The following SLC16A10 variants were observed in gnomAD, a reference collection of about 807,000 sequenced individuals.
SLC16A10 encodes the protein monocarboxylate transporter 10.
Under a neutral mutation model 40.0 loss-of-function variants are expected in SLC16A10, and 27 were observed. The ratio of observed to expected loss-of-function variants is 0.67; its 90% CI spans 0.50 to 0.93. The LOEUF (loss-of-function observed/expected upper bound fraction) is 0.93. SLC16A10 is among the 40% of genes least tolerant of loss of function. The pLI, the probability that SLC16A10 is intolerant of heterozygous loss-of-function variation, is 0.00. For missense variants in SLC16A10, 529 were observed against 658.2 expected (o/e 0.80, Z 2.15); for synonymous variants, 213 against 249.8 (o/e 0.85, Z 1.39).
At chr6:111,089,575 A>G (rs1385183920) in intron 1 of SLC16A10, among the ~76,000 whole-genome samples, 1 of 152,216 alleles carries the variant, frequency 6.6e-6, no homozygotes, top group East Asian at 1.9e-4. Flanking sequence ...ATGCGGGTCA[A>G]TGGGCTAGGT....
At position 111,172,942 on chromosome 6, in the gene SLC16A10, A is replaced by C. The variant is rs956974854; in HGVS notation, c.488+103A>C. On this transcript the variant is annotated intron_variant, in intron 2 of 5. Transcript: ENST00000368851. ...TTTACAAGCAAAGATCCTCCTTTTC[A>C]TTTTTTAAAACTTTAAGCAATATGA... is the stretch of plus-strand genomic sequence containing the variant. 5.6e-6 allele frequency: 8 copies of C among 1,422,424 alleles called. No individual in the cohort carries two copies. The African/African-American group carries it at 7.2e-5, about 13-fold the overall frequency. The allele number at this position is 1,422,424 out of a possible 1,614,324, so 88.1% of individuals were successfully genotyped here.
At chr6:111,145,527 G>C (rs1583326827) in intron 1 of SLC16A10, among the ~76,000 whole-genome samples, 3 of 152,246 alleles carry the variant, frequency 2.0e-5, no homozygotes, top group Admixed American at 2.0e-4. Context: ...CAACTGCATA[G>C]CCACAGGAAA....
chr6:111,169,227 A>G lies in SLC16A10; in HGVS notation c.344-3468A>G, dbSNP rs112963031. On this transcript the variant is annotated intron_variant, in intron 1 of 5. Coordinates refer to ENST00000368851, the MANE Select transcript of SLC16A10 (RefSeq NM_018593.5). The stretch of plus-strand genomic sequence containing the variant: ...TTAGAGGTGGGCCTAGCGGAGGAGA[A>G]GGGTAGCCTGGAGTTTGACTCCTGT... Among the ~76,000 whole-genome samples, 389 of 152,328 alleles carry G rather than the reference A, an allele frequency of 2.6e-3. 2 individuals are homozygous for G. The highest frequency in any genetic ancestry group is 8.9e-3 in the African/African-American group (368 of 41,576).
chr6:111,196,154 T>A (rs1318988861), intron 3 of SLC16A10, among the ~76,000 whole-genome samples: 1 of 152,048 alleles, frequency 6.6e-6, no homozygotes, highest in East Asian at 1.9e-4. Context: ...CTGGCCAACA[T>A]GGCGAAACCC....
chr6:111,128,366 G>T (rs1771714536), intron 1 of SLC16A10, among the ~76,000 whole-genome samples: 1 of 152,008 alleles, frequency 6.6e-6, no homozygotes, highest in South Asian at 2.1e-4. Flanking sequence ...TGATGCCAGG[G>T]TTCAAACCTA....
At chr6:111,140,232 A>T (rs1771957333) in intron 1 of SLC16A10, among the ~76,000 whole-genome samples, 1 of 152,076 alleles carries the variant, frequency 6.6e-6, no homozygotes, top group African/African-American at 2.4e-5. Context: ...GGAGGGTGAG[A>T]TGGGCAGATC....
chr6:111,174,221 T>C (rs1286588071), intron 2 of SLC16A10, among the ~76,000 whole-genome samples: 1 of 152,226 alleles, frequency 6.6e-6, no homozygotes, highest in African/African-American at 2.4e-5. Flanking sequence ...ATTTCCTGCC[T>C]CTTTCCTGTC....
chr6:111,140,644 A>T (rs1030694907), intron 1 of SLC16A10, among the ~76,000 whole-genome samples: 1 of 152,186 alleles, frequency 6.6e-6, no homozygotes, highest in Non-Finnish European at 1.5e-5. Flanking sequence ...ATGTCTAAAT[A>T]TTTAAAGTTA....
intron 1 of SLC16A10, among the ~76,000 whole-genome samples, chr6:111,111,217 T>C (rs994750148): frequency 6.6e-5 from 10 of 152,192 alleles, no homozygotes; most frequent in African/African-American, 2.4e-4. Context: ...AAAATATGTT[T>C]TGTAAAAAAA....
intron 1 of SLC16A10, among the ~76,000 whole-genome samples, chr6:111,095,683 C>T (rs1200338951): frequency 1.3e-5 from 2 of 152,042 alleles, no homozygotes; most frequent in South Asian, 4.2e-4. Context: ...GGCAGGTTTT[C>T]CTGTGCTGTT....
At chr6:111,204,550 G>T (rs1276678634) in intron 3 of SLC16A10, among the ~76,000 whole-genome samples, 1 of 152,146 alleles carries the variant, frequency 6.6e-6, no homozygotes, top group Non-Finnish European at 1.5e-5. Context: ...AGTTGAAGAG[G>T]GTAGAAGAGG....
chr6:111,158,248 C>A (rs1235117278), intron 1 of SLC16A10, among the ~76,000 whole-genome samples: 1 of 152,052 alleles, frequency 6.6e-6, no homozygotes, highest in Admixed American at 6.6e-5. Context: ...ATTTTTATTA[C>A]TTTTCTGCCA....
intron 1 of SLC16A10, among the ~76,000 whole-genome samples, chr6:111,130,287 C>G (rs1771757927): frequency 6.6e-6 from 1 of 152,178 alleles, no homozygotes; most frequent in Admixed American, 6.5e-5. Context: ...GGGAGAAGGT[C>G]TTCCTGTTAA....
chr6:111,155,085 G>A (rs1483717920), intron 1 of SLC16A10, among the ~76,000 whole-genome samples: 2 of 151,506 alleles, frequency 1.3e-5, no homozygotes, highest in African/African-American at 4.9e-5. Flanking sequence ...CAGGGGCCAG[G>A]ATGATCTCAT....
intron 3 of SLC16A10, among the ~76,000 whole-genome samples, chr6:111,203,082 C>T (rs1174120492): frequency 1.3e-5 from 2 of 152,060 alleles, no homozygotes; most frequent in African/African-American, 4.8e-5. Context: ...ATGAAAACAT[C>T]TCTTCAACAT....
intron 4 of SLC16A10, among the ~76,000 whole-genome samples, chr6:111,212,114 A>G (rs1773355105): frequency 6.6e-6 from 1 of 152,128 alleles, no homozygotes; most frequent in Non-Finnish European, 1.5e-5. Flanking sequence ...AGATCATGGT[A>G]ATCCCTAGTC....
chr6:111,087,734 G>C lies in SLC16A10; in HGVS notation c.-19G>C. ...CGTCCCTCGCGCTTCTCCGGCGCCTGAGGGGCCCGCCTCGGGCCATGGTGC... is the reference window on the plus strand; with the variant it reads ...CGTCCCTCGCGCTTCTCCGGCGCCTCAGGGGCCCGCCTCGGGCCATGGTGC... On this transcript the variant is annotated 5_prime_UTR_variant, in exon 1 of 6. Coordinates refer to ENST00000368851, the MANE Select transcript of SLC16A10 (RefSeq NM_018593.5). 8.4e-7 allele frequency: 1 copy of C among 1,196,252 alleles called. No individual in the cohort carries two copies. Among genetic ancestry groups the C allele is most frequent in the Non-Finnish European group, 1.0e-6 (1 of 962,480 alleles). 74.1% of individuals were successfully genotyped at this position (1,196,252 alleles called of 1,614,324 possible).
At chr6:111,168,606 A>C (rs1772522592) in intron 1 of SLC16A10, among the ~76,000 whole-genome samples, 1 of 152,142 alleles carries the variant, frequency 6.6e-6, no homozygotes, top group South Asian at 2.1e-4. Flanking sequence ...CAAAACTAGA[A>C]ATGTTGTGAG....
rs112918065 is a variant in SLC16A10 at position 111,105,365 on chromosome 6, T to A, written c.343+17270T>A. The stretch of plus-strand genomic sequence containing the variant: ...TTTAAGTAAGTATAGATTCTACTCT[T>A]TAAAAGAGTTATCTAGGAGAGCTAC... On this transcript the variant is annotated intron_variant, in intron 1 of 5. Coordinates refer to ENST00000368851, the MANE Select transcript of SLC16A10 (RefSeq NM_018593.5). 2.5e-3 allele frequency among the ~76,000 whole-genome samples: 385 copies of A among 152,306 alleles called. 3 individuals are homozygous for A. Among genetic ancestry groups the A allele is most frequent in the African/African-American group, 8.8e-3 (364 of 41,566 alleles).
Sources: allele counts gnomAD v4.1 joint callset (sites outside exome capture counted in the v4.1 genomes callset), GRCh38; gene constraint gnomAD v4.1.1; transcripts MANE v1.5; gene names NCBI Gene and HGNC (gene_info 2026-07-23, HGNC 2026-07-21).